The following LMNB1 variants were observed in gnomAD, a reference collection of about 807,000 sequenced individuals.
The protein encoded by LMNB1 is lamin B1, also known as lamin-B1.
Under a neutral mutation model 67.1 loss-of-function variants are expected in LMNB1, and 23 were observed. The ratio of observed to expected loss-of-function variants is 0.34; its 90% CI spans 0.25 to 0.49. LMNB1 has a LOEUF of 0.49. LMNB1 is among the 20% of genes least tolerant of loss of function. The probability of loss-of-function intolerance (pLI) is 0.99; values close to 1 mark genes in which losing one functional copy is unlikely to be tolerated. For synonymous variants in LMNB1, 281 were observed against 282.9 expected (o/e 0.99, Z 0.07); for missense variants, 634 against 746.5 (o/e 0.85, Z 1.76).
intron 1 of LMNB1, among the ~76,000 whole-genome samples, chr5:126,779,936 G>T (rs1750582772): frequency 6.6e-6 from 1 of 152,200 alleles, no homozygotes; most frequent in South Asian, 2.1e-4. Context: ...GGAGGCTGAG[G>T]CAGGAGAATC....
At chr5:126,836,060 A>G (rs1032877272) in intron 10 of LMNB1, among the ~76,000 whole-genome samples, 163 bp from the exon 11 acceptor site, 2 of 152,226 alleles carry the variant, frequency 1.3e-5, no homozygotes, top group Non-Finnish European at 2.9e-5. Flanking sequence ...AAACAAAGAA[A>G]AAGAAAAAAA....
In LMNB1 at chr5:126,811,834, A is replaced by C. The variant is rs1207895617; in HGVS notation, c.875A>C (p.Glu292Ala). The C allele has an allele frequency of 6.2e-7, 1 of 1,612,948 alleles. No homozygotes were observed. Among genetic ancestry groups the C allele is most frequent in the Non-Finnish European group, 8.5e-7 (1 of 1,178,976 alleles). Residue 292 changes from glutamate to alanine, a missense_variant, in exon 5 of 11, where the codon GAA becomes GCA. Glu to Ala is a moderately radical substitution (Grantham distance 107). Transcript: ENST00000261366. ...NTSTVNSARE[E>A]LMESRMRIES... is the part of the protein sequence containing the mutation. ...TCTACTGTCAACAGTGCCAGGGAAG[A>C]ACTGATGGAAAGCCGCATGAGAATT...
chr5:126,792,010 T>A (rs528109924), intron 1 of LMNB1, among the ~76,000 whole-genome samples: 1 of 152,106 alleles, frequency 6.6e-6, no homozygotes, highest in African/African-American at 2.4e-5. Flanking sequence ...CTCGAACTCC[T>A]GACCTCAAGT....
Position 126,827,914 on chromosome 5 carries a change from C to T in LMNB1, c.1611+1807C>T, listed in dbSNP as rs568635069. 1.1e-4 allele frequency among the ~76,000 whole-genome samples: 17 copies of T among 152,226 alleles called. No individual in the cohort carries two copies. In the South Asian group the frequency reaches 3.5e-3, roughly 32 times the overall value. ...GTGCCACGGGCAGGCCTCTAACCTG[C>T]GTGGTGCTCATCACATTGTTCTCAC... is the stretch of plus-strand genomic sequence containing the variant. On this transcript the variant is annotated intron_variant, in intron 9 of 10. Coordinates refer to ENST00000261366, the MANE Select transcript of LMNB1 (RefSeq NM_005573.4).
intron 9 of LMNB1, among the ~76,000 whole-genome samples, chr5:126,828,140 C>T (rs1440734937): frequency 2.0e-5 from 3 of 152,202 alleles, no homozygotes; most frequent in Non-Finnish European, 4.4e-5. Context: ...ATAAAAAGTT[C>T]TGTTCATGGC....
At chr5:126,814,821 T>A (rs755145494) in intron 5 of LMNB1, among the ~76,000 whole-genome samples, 5 of 152,172 alleles carry the variant, frequency 3.3e-5, no homozygotes, top group Non-Finnish European at 7.4e-5. Context: ...ATTACAGGCG[T>A]GAGCTGCTGC....
At chr5:126,812,013 T>G in intron 5 of LMNB1, 115 bp downstream of exon 5, 1 of 986,936 alleles carries the variant, frequency 1.0e-6, no homozygotes, top group Non-Finnish European at 1.5e-6. Context: ...CAGAGGATGG[T>G]GTCATCCTGT....
At chr5:126,804,208 G>T (rs1003360027) in intron 1 of LMNB1, among the ~76,000 whole-genome samples, 1 of 149,578 alleles carries the variant, frequency 6.7e-6, no homozygotes, top group African/African-American at 2.5e-5. Context: ...AAGTAGCTGG[G>T]ACTACAAATG....
chr5:126,806,362 A>G (rs1207067385), intron 3 of LMNB1, among the ~76,000 whole-genome samples: 3 of 152,220 alleles, frequency 2.0e-5, no homozygotes, highest in African/African-American at 4.8e-5. Flanking sequence ...AAGTTCATCA[A>G]CCTAAAACCA....
chr5:126,813,868 G>GTCTTTGTGTATC (rs1413476545), intron 5 of LMNB1, among the ~76,000 whole-genome samples: 2 of 152,140 alleles, frequency 1.3e-5, no homozygotes, highest in Non-Finnish European at 2.9e-5. Flanking sequence ...CAAACACACA[G>GTCTTTGTGTATC]ACTGTATCAC....
intron 5 of LMNB1, among the ~76,000 whole-genome samples, chr5:126,812,250 A>G (rs1039758500): frequency 6.6e-6 from 1 of 152,190 alleles, no homozygotes; most frequent in African/African-American, 2.4e-5. Flanking sequence ...TTCCTTTTTT[A>G]TATCATTTGA....
rs753345737 is a variant in LMNB1, at chr5:126,804,897, G to A, written c.481G>A (p.Gly161Arg). 6.2e-7 allele frequency: 1 copy of A among 1,614,106 alleles called. No homozygotes were observed. ...TALGDKKSLE[G>R]DLEDLKDQIA... is the part of the protein sequence containing the mutation. ...ACTTGGTGACAAAAAAAGTTTAGAG[G>A]GAGATTTGGAGGATCTGAAGGATCA... Residue 161 changes from glycine (G) to arginine (R), a missense_variant, in exon 2 of 11, where the codon GGA becomes AGA. Coordinates refer to ENST00000261366, the MANE Select transcript of LMNB1 (RefSeq NM_005573.4).
chr5:126,792,084 A>G lies in LMNB1; in HGVS notation c.360-12692A>G, dbSNP rs559824400. ...AGGTGTGAGCCACTGTACCCAGCCT[A>G]TTCTCTTCTTGATAGCTCTATAGCA... On this transcript the variant is annotated intron_variant, in intron 1 of 10. Transcript: ENST00000261366. Among the ~76,000 whole-genome samples the G allele has an allele frequency of 2.7e-5, 4 of 147,792 alleles. No homozygotes were observed. In the East Asian group the frequency reaches 6.1e-4, roughly 23 times the overall value.
At position 126,787,524 on chromosome 5, in the gene LMNB1, GTA is replaced by G. The variant is rs1179342923; in HGVS notation, c.359+9679_359+9680del. Reference sequence around the variant, plus strand: ...TTATATATAACGTGTGTGTGTGGGGGTATATATATATATATATATATATTTTT... The same window carrying G: ...TTATATATAACGTGTGTGTGTGGGGGTATATATATATATATATATATTTTT... On this transcript the variant is annotated intron_variant, in intron 1 of 10. Transcript: ENST00000261366. Among the ~76,000 whole-genome samples the G allele has an allele frequency of 1.6e-3, 144 of 87,664 alleles. 3 individuals are homozygous for G. The highest frequency in any genetic ancestry group is 3.7e-3 in the African/African-American group (83 of 22,178). 57.5% of individuals were successfully genotyped at this position (87,664 alleles called of 152,430 possible). A position where few individuals can be genotyped will look rare whatever the true frequency, so the allele number is the denominator to read the frequency against.
chr5:126,818,692 C>A (rs1163053809), intron 5 of LMNB1, among the ~76,000 whole-genome samples: 6 of 152,200 alleles, frequency 3.9e-5, no homozygotes, highest in Non-Finnish European at 8.8e-5. Flanking sequence ...ACAGAACTTA[C>A]ATTTGTGGAA....
chr5:126,798,423 C>A (rs1014608212), intron 1 of LMNB1, among the ~76,000 whole-genome samples: 2 of 152,152 alleles, frequency 1.3e-5, no homozygotes, highest in African/African-American at 4.8e-5. Flanking sequence ...GCACTCCAGC[C>A]TGGGCCACAG....
At chr5:126,800,982 A>ATAATTTTTTTT in intron 1 of LMNB1, among the ~76,000 whole-genome samples, 5 of 18,634 alleles carry the variant, frequency 2.7e-4, no homozygotes, top group African/African-American at 8.4e-4. Context: ...TATATATATA[A>ATAATTTTTTTT]TTTTTTTTTT....
At chr5:126,814,736 A>T (rs2941664) in intron 5 of LMNB1, among the ~76,000 whole-genome samples, 59,758 of 151,942 alleles carry the variant, frequency 0.39, 12,231 homozygotes, top group Non-Finnish European at 0.45. Flanking sequence ...AATGGGGTGC[A>T]CCATGTTAGC....
At chr5:126,807,316 T>C (rs1329468794) in intron 3 of LMNB1, among the ~76,000 whole-genome samples, 1 of 152,248 alleles carries the variant, frequency 6.6e-6, no homozygotes, top group Non-Finnish European at 1.5e-5. Flanking sequence ...GAATTCATTG[T>C]AGCAGTTAGC....
Sources: gnomAD v4.1 joint callset for allele counts (sites outside exome capture counted in the v4.1 genomes callset) on GRCh38, gnomAD v4.1.1 for gene constraint, MANE v1.5 for transcripts, NCBI Gene and HGNC (gene_info 2026-07-23, HGNC 2026-07-21) for gene names.